Variants in L3MBTL4 observed in about 807,000 individuals in gnomAD.
The protein encoded by L3MBTL4 is lethal(3)malignant brain tumor-like protein 4.
L3MBTL4 carries 70 observed loss-of-function variants against 84.5 expected under a neutral mutation model. The observed-to-expected ratio is 0.83, with a 90% CI of 0.68 to 1.01. The LOEUF (loss-of-function observed/expected upper bound fraction) is 1.01, where lower values mean the gene tolerates loss of function less well. Among genes scored for constraint, L3MBTL4 ranks in the 50% least tolerant of loss-of-function variants. The pLI, the probability that L3MBTL4 is intolerant of heterozygous loss-of-function variation, is 0.00. For synonymous variants in L3MBTL4, 274 were observed against 259.8 expected, an observed-to-expected ratio of 1.05 and a Z score of -0.52; for missense variants, 715 against 754.8, an observed-to-expected ratio of 0.95 and a Z score of 0.62.
chr18:5,964,133 T>C (rs2144713918), intron 17 of L3MBTL4, among the ~76,000 whole-genome samples: 1 of 152,358 alleles, frequency 6.6e-6, no homozygotes, highest in South Asian at 2.1e-4. Flanking sequence ...CACCAGCACT[T>C]CCCACATTCT....
intron 5 of L3MBTL4, among the ~76,000 whole-genome samples, chr18:6,247,785 A>G (rs534979060): frequency 2.7e-5 from 4 of 150,406 alleles, no homozygotes; most frequent in Non-Finnish European, 4.4e-5. Context: ...CCTTCCTCTG[A>G]TTTTTTGACT....
At chr18:6,172,741 T>C (rs1458881107) in intron 12 of L3MBTL4, among the ~76,000 whole-genome samples, 1 of 152,154 alleles carries the variant, frequency 6.6e-6, no homozygotes, top group African/African-American at 2.4e-5. Context: ...TTAAAAATAA[T>C]TATTTCTTTT....
chr18:6,345,098 G>A (rs972258287), intron 1 of L3MBTL4, among the ~76,000 whole-genome samples: 5 of 151,538 alleles, frequency 3.3e-5, no homozygotes, highest in Admixed American at 6.6e-5. Context: ...GGCCAGGCAC[G>A]GTAGCTCATG....
chr18:6,216,502 T>G lies in L3MBTL4; in HGVS notation c.785-667A>C, dbSNP rs538305086. On this transcript the variant is annotated intron_variant, in intron 10 of 18. Transcript: ENST00000317931. ...TTTATTCATCAGCTCTATTTTTTCTTCTTTTTTCTTTTCTAATTATATTGT... is the reference window on the plus strand; with the variant it reads ...TTTATTCATCAGCTCTATTTTTTCTGCTTTTTTCTTTTCTAATTATATTGT... Among the ~76,000 whole-genome samples the G allele has an allele frequency of 5.3e-5, 8 of 152,240 alleles. No individual in the cohort carries two copies. In the East Asian group the frequency reaches 1.5e-3, roughly 29 times the overall value.
intron 12 of L3MBTL4, among the ~76,000 whole-genome samples, chr18:6,206,275 C>T (rs1003027593): frequency 4.6e-5 from 7 of 152,200 alleles, no homozygotes; most frequent in African/African-American, 1.4e-4. Context: ...CCCTCAGACA[C>T]TCAAAGAAAT....
intron 14 of L3MBTL4, among the ~76,000 whole-genome samples, chr18:6,097,196 G>C (rs796847176): frequency 6.6e-6 from 1 of 152,132 alleles, no homozygotes; most frequent in African/African-American, 2.4e-5. Context: ...GAGGATATAC[G>C]CTAAATAAAC....
intron 12 of L3MBTL4, among the ~76,000 whole-genome samples, chr18:6,202,533 C>T (rs2045691740): frequency 6.6e-6 from 1 of 151,986 alleles, no homozygotes; most frequent in South Asian, 2.1e-4. Context: ...CTTCAGTGGT[C>T]CAGGTGAGAT....
intron 15 of L3MBTL4, among the ~76,000 whole-genome samples, chr18:6,089,131 T>C (rs926734224): frequency 1.3e-5 from 2 of 151,726 alleles, no homozygotes; most frequent in African/African-American, 4.8e-5. Context: ...GAAAAAAAAG[T>C]CCCCCTCAGG....
At chr18:6,078,964 G>A (rs753375270) in intron 16 of L3MBTL4, among the ~76,000 whole-genome samples, 2 of 152,108 alleles carry the variant, frequency 1.3e-5, no homozygotes, top group Non-Finnish European at 2.9e-5. Context: ...TGTGCAGGTC[G>A]CAATACTGTT....
At chr18:5,991,667 A>T (rs550996941) in intron 16 of L3MBTL4, among the ~76,000 whole-genome samples, 1 of 152,348 alleles carries the variant, frequency 6.6e-6, no homozygotes, top group East Asian at 1.9e-4. Context: ...ATTGAATTTA[A>T]AAGAACAAAG....
intron 16 of L3MBTL4, among the ~76,000 whole-genome samples, chr18:5,974,970 T>G (rs1056038435): frequency 1.3e-5 from 2 of 151,848 alleles, no homozygotes; most frequent in African/African-American, 2.4e-5. Context: ...TCTATTGTTT[T>G]GTTTTTTTTT....
intron 5 of L3MBTL4, among the ~76,000 whole-genome samples, chr18:6,263,604 T>C (rs1196930776): frequency 2.6e-5 from 4 of 152,322 alleles, no homozygotes; most frequent in Non-Finnish European, 5.9e-5. Context: ...TAACACTTTC[T>C]TGAGCATTTA....
chr18:6,239,077 C>T (rs1334421741), intron 9 of L3MBTL4, among the ~76,000 whole-genome samples: 1 of 152,108 alleles, frequency 6.6e-6, no homozygotes, highest in Non-Finnish European at 1.5e-5. Context: ...CGCGGTGGCT[C>T]ACGCCTGTAA....
At chr18:6,147,471 T>C (rs970964252) in intron 13 of L3MBTL4, among the ~76,000 whole-genome samples, 2 of 152,072 alleles carry the variant, frequency 1.3e-5, no homozygotes, top group South Asian at 4.1e-4. Flanking sequence ...AGAACAACAA[T>C]TTTGTGAAAT....
chr18:6,326,629 G>A (rs1323222984), intron 1 of L3MBTL4: 1 of 152,244 alleles, frequency 6.6e-6, no homozygotes, highest in Non-Finnish European at 1.5e-5. Context: ...GAGTAAGAGA[G>A]ATGGATGATG....
intron 17 of L3MBTL4, among the ~76,000 whole-genome samples, chr18:5,964,288 C>T (rs182838615): frequency 6.6e-5 from 10 of 152,324 alleles, no homozygotes; most frequent in Admixed American, 3.3e-4. Context: ...TCCTGCCAGC[C>T]GACCTCACTT....
chr18:6,100,768 G>A (rs140119315), intron 14 of L3MBTL4, among the ~76,000 whole-genome samples: 2 of 152,350 alleles, frequency 1.3e-5, no homozygotes, highest in Non-Finnish European at 2.9e-5. Flanking sequence ...ACCAGGTGGG[G>A]AGTGGGGGAG....
intron 3 of L3MBTL4, among the ~76,000 whole-genome samples, chr18:6,309,845 G>T (rs1428091405): frequency 6.6e-6 from 1 of 152,200 alleles, no homozygotes. Flanking sequence ...GTGGATGGGG[G>T]AAGGTGGTCT....
intron 3 of L3MBTL4, among the ~76,000 whole-genome samples, 183 bp from the exon 4 acceptor site, chr18:6,302,140 C>T (rs760709518): frequency 3.9e-5 from 6 of 152,058 alleles, no homozygotes; most frequent in Non-Finnish European, 7.4e-5. Flanking sequence ...TCCATTTGGA[C>T]GTGGAAGGAA....
Sources: allele counts gnomAD v4.1 joint callset (sites outside exome capture counted in the v4.1 genomes callset), GRCh38; gene constraint gnomAD v4.1.1; transcripts MANE v1.5; gene names NCBI Gene and HGNC (gene_info 2026-07-23, HGNC 2026-07-21).